Variants in PAK5 observed in about 807,000 individuals in gnomAD.
PAK5 encodes the protein p21 (RAC1) activated kinase 5.
A neutral mutation model predicts 65.9 loss-of-function variants in PAK5; 16 were observed. That is an observed-to-expected ratio of 0.24 (90% confidence interval 0.16 to 0.37). PAK5 has a LOEUF of 0.37. Among genes scored for constraint, PAK5 ranks in the 10% least tolerant of loss-of-function variants. The probability of loss-of-function intolerance (pLI) is 1.00; values close to 1 mark genes in which losing one functional copy is unlikely to be tolerated. For synonymous variants in PAK5, 371 were observed against 354.9 expected (o/e 1.05, Z -0.51); for missense variants, 785 against 903.9 (o/e 0.87, Z 1.69).
At chr20:9,758,805 AG>A (rs1350583066) in intron 1 of PAK5, among the ~76,000 whole-genome samples, 1 of 152,204 alleles carries the variant, frequency 6.6e-6, no homozygotes. Flanking sequence ...AGTAAGGACA[AG>A]AAATGCCTCT....
At chr20:9,668,442 T>C (rs2047449235) in intron 2 of PAK5, among the ~76,000 whole-genome samples, 1 of 152,216 alleles carries the variant, frequency 6.6e-6, no homozygotes, top group Admixed American at 6.5e-5. Context: ...TACACAAAGA[T>C]GATATCTACC....
At chr20:9,622,554 AC>A (rs1303575569) in intron 3 of PAK5, among the ~76,000 whole-genome samples, 1 of 152,194 alleles carries the variant, frequency 6.6e-6, no homozygotes, top group Non-Finnish European at 1.5e-5. Flanking sequence ...ATGGACCCAT[AC>A]CCGGAGTGTC....
At chr20:9,661,660 T>C (rs1378138620) in intron 2 of PAK5, among the ~76,000 whole-genome samples, 1 of 152,184 alleles carries the variant, frequency 6.6e-6, no homozygotes, top group East Asian at 1.9e-4. Flanking sequence ...ATTCTTTCTT[T>C]AACCTCAAGA....
At chr20:9,652,882 CATG>C (rs1290084300) in intron 2 of PAK5, among the ~76,000 whole-genome samples, 2 of 152,188 alleles carry the variant, frequency 1.3e-5, no homozygotes, top group Non-Finnish European at 2.9e-5. Context: ...TCCCTCTGAT[CATG>C]ATGTTTGGAT....
chr20:9,778,250 G>A (rs114583246), intron 1 of PAK5, among the ~76,000 whole-genome samples: 3,213 of 152,164 alleles, frequency 0.021, 103 homozygotes, highest in African/African-American at 0.072. Flanking sequence ...TGTTGTTGTT[G>A]TTTTAAGGAT....
chr20:9,781,225 G>A lies in PAK5; in HGVS notation c.-162+57537C>T, dbSNP rs146960165. 7.0e-4 allele frequency among the ~76,000 whole-genome samples: 106 copies of A among 152,274 alleles called. 1 individual carries two copies. Among genetic ancestry groups the A allele is most frequent in the African/African-American group, 2.4e-3 (100 of 41,556 alleles). On this transcript the variant is annotated intron_variant, in intron 1 of 9. Transcript: ENST00000353224. Reference sequence around the variant, plus strand: ...TAGGAACAGAATTGGGTAGGCCTGAGAGAAAGGTATGCATAATTGTTCATG... The same window carrying A: ...TAGGAACAGAATTGGGTAGGCCTGAAAGAAAGGTATGCATAATTGTTCATG...
At chr20:9,553,903 T>G (rs911153249) in intron 7 of PAK5, among the ~76,000 whole-genome samples, 1 of 152,190 alleles carries the variant, frequency 6.6e-6, no homozygotes, top group Non-Finnish European at 1.5e-5. Flanking sequence ...TAAGTCCATT[T>G]TTAATTTTGA....
intron 3 of PAK5, among the ~76,000 whole-genome samples, chr20:9,610,104 C>T (rs2123141452): frequency 6.6e-6 from 1 of 152,166 alleles, no homozygotes; most frequent in Admixed American, 6.5e-5. Context: ...AAAGCAACCG[C>T]AAGGTCTTAA....
intron 1 of PAK5, among the ~76,000 whole-genome samples, chr20:9,770,418 G>A (rs2048820094): frequency 6.6e-6 from 1 of 152,096 alleles, no homozygotes; most frequent in Non-Finnish European, 1.5e-5. Context: ...GAACAGGAGA[G>A]TAAAGGGGCT....
At chr20:9,555,227 G>T (rs2045488196) in intron 7 of PAK5, among the ~76,000 whole-genome samples, 1 of 152,142 alleles carries the variant, frequency 6.6e-6, no homozygotes, top group Non-Finnish European at 1.5e-5. Flanking sequence ...AAACCAATAA[G>T]GACTAAAAGC....
chr20:9,634,741 G>C (rs1157889170), intron 3 of PAK5, among the ~76,000 whole-genome samples: 1 of 152,082 alleles, frequency 6.6e-6, no homozygotes, highest in Non-Finnish European at 1.5e-5. Flanking sequence ...AGATTACCTT[G>C]CCCACATCTC....
chr20:9,554,063 C>T (rs1283167247), intron 7 of PAK5, among the ~76,000 whole-genome samples: 4 of 152,152 alleles, frequency 2.6e-5, no homozygotes, highest in African/African-American at 9.7e-5. Flanking sequence ...ATGTGCATTT[C>T]TCAAAGGCCA....
chr20:9,823,075 T>C (rs2049441810), intron 1 of PAK5, among the ~76,000 whole-genome samples: 1 of 152,232 alleles, frequency 6.6e-6, no homozygotes, highest in Admixed American at 6.5e-5. Context: ...AGAGCTCCAC[T>C]GTCATAGATG....
intron 1 of PAK5, among the ~76,000 whole-genome samples, chr20:9,774,192 G>A (rs1415410787): frequency 6.6e-6 from 1 of 152,170 alleles, no homozygotes; most frequent in Non-Finnish European, 1.5e-5. Flanking sequence ...CACTCCATGG[G>A]AACACTCCCT....
At chr20:9,782,920 CTTTCT>C (rs1388972362) in intron 1 of PAK5, among the ~76,000 whole-genome samples, 1 of 139,066 alleles carries the variant, frequency 7.2e-6, no homozygotes, top group African/African-American at 2.7e-5. Context: ...TTTTCTCTTT[CTTTCT>C]TTTTTTTTTT....
At chr20:9,622,542 T>C (rs531195691) in intron 3 of PAK5, among the ~76,000 whole-genome samples, 1 of 152,164 alleles carries the variant, frequency 6.6e-6, no homozygotes, top group East Asian at 1.9e-4. Context: ...AACCCGCGGG[T>C]CATGGACCCA....
intron 2 of PAK5, among the ~76,000 whole-genome samples, chr20:9,706,665 T>C (rs577374495): frequency 5.9e-5 from 9 of 151,522 alleles, no homozygotes; most frequent in Middle Eastern, 3.4e-3. Flanking sequence ...TTTCTTTTTT[T>C]TTTTTGCTGT....
In PAK5 at chr20:9,582,572, C is replaced by G. The variant is rs569155196; in HGVS notation, c.205-1642G>C. ...ATATTTTCCAGGTTTCTTATACACA[C>G]AGTCACACTCCCCTTCCCTAGCTTT... On this transcript the variant is annotated intron_variant, in intron 3 of 9. Transcript: ENST00000353224. Among the ~76,000 whole-genome samples the G allele has an allele frequency of 1.0e-3, 155 of 152,296 alleles. 2 individuals are homozygous for G. In the South Asian group the frequency reaches 0.029, roughly 29 times the overall value.
At chr20:9,592,565 T>C (rs1227091435) in intron 3 of PAK5, among the ~76,000 whole-genome samples, 1 of 152,236 alleles carries the variant, frequency 6.6e-6, no homozygotes, top group Non-Finnish European at 1.5e-5. Flanking sequence ...TTATTACACA[T>C]AAATTATTCC....
Sources: gnomAD v4.1 joint callset for allele counts (sites outside exome capture counted in the v4.1 genomes callset) on GRCh38, gnomAD v4.1.1 for gene constraint, MANE v1.5 for transcripts, NCBI Gene and HGNC (gene_info 2026-07-23, HGNC 2026-07-21) for gene names.